PDE10A: variants seen among roughly 807,000 people sequenced by gnomAD.
PDE10A encodes cAMP and cAMP-inhibited cGMP 3',5'-cyclic phosphodiesterase 10A.
Under a neutral mutation model 97.7 loss-of-function variants are expected in PDE10A, and 39 were observed. The ratio of observed to expected loss-of-function variants is 0.40; its 90% CI spans 0.31 to 0.52. PDE10A has a LOEUF of 0.52. PDE10A is among the 20% of genes least tolerant of loss of function. The pLI is 0.56. For synonymous variants in PDE10A, 371 were observed against 376.8 expected, an observed-to-expected ratio of 0.98 and a Z score of 0.18; for missense variants, 731 against 1,047.8, an observed-to-expected ratio of 0.70 and a Z score of 4.17.
At chr6:165,607,149 A>G (rs1159368506) in intron 1 of PDE10A, among the ~76,000 whole-genome samples, 2 of 152,236 alleles carry the variant, frequency 1.3e-5, no homozygotes. Flanking sequence ...CACTGACTGC[A>G]GGACCTGATG....
intron 2 of PDE10A, among the ~76,000 whole-genome samples, chr6:165,506,476 G>A (rs982530489): frequency 9.9e-5 from 15 of 152,028 alleles, no homozygotes; most frequent in African/African-American, 3.6e-4. Flanking sequence ...TTTACATCAC[G>A]TATAATAGAA....
intron 1 of PDE10A, among the ~76,000 whole-genome samples, chr6:165,618,240 A>AT (rs886732866): frequency 2.0e-5 from 3 of 152,014 alleles, no homozygotes; most frequent in Non-Finnish European, 2.9e-5. Flanking sequence ...TAGTAATGGG[A>AT]TTTTTTTTCT....
chr6:165,386,197 T>C (rs370032146), intron 17 of PDE10A, among the ~76,000 whole-genome samples: 9 of 152,160 alleles, frequency 5.9e-5, no homozygotes, highest in South Asian at 2.1e-4. Context: ...TAAACCTCCA[T>C]TTTTGATGGC....
Position 165,328,475 on chromosome 6 carries a change from G to C in PDE10A, c.*4550C>G, listed in dbSNP as rs74514827. 1.2e-4 allele frequency: 19 copies of C among 152,346 alleles called. No homozygotes were observed. The East Asian group carries it at 3.5e-3, about 28-fold the overall frequency. The allele number at this position is 152,346 out of a possible 1,614,324, so 9.4% of individuals were successfully genotyped here. ...TACTTAGTAAGCCCTGGATTCAGCT[G>C]TAAGTTTCCACCTTGGTCCTGAGGT... On this transcript the variant is annotated 3_prime_UTR_variant, in exon 22 of 22. Transcript: ENST00000539869.
At chr6:165,763,505 T>C (rs1372188307) in intron 1 of PDE10A, among the ~76,000 whole-genome samples, 1 of 152,148 alleles carries the variant, frequency 6.6e-6, no homozygotes, top group East Asian at 1.9e-4. Flanking sequence ...GTATTTTTAG[T>C]GGAGACACAG....
intron 1 of PDE10A, among the ~76,000 whole-genome samples, chr6:165,634,101 C>T (rs371908942): frequency 2.0e-5 from 3 of 152,120 alleles, no homozygotes; most frequent in Non-Finnish European, 4.4e-5. Context: ...CCCTCCCTCA[C>T]GGCTTCTGTT....
intron 2 of PDE10A, among the ~76,000 whole-genome samples, chr6:165,487,251 CA>C (rs1779975735): frequency 6.6e-6 from 1 of 152,182 alleles, no homozygotes; most frequent in Non-Finnish European, 1.5e-5. Flanking sequence ...CCGTGTCCAA[CA>C]ACCTGTCTTT....
At chr6:165,704,792 C>T (rs184749504) in intron 1 of PDE10A, among the ~76,000 whole-genome samples, 2 of 152,310 alleles carry the variant, frequency 1.3e-5, no homozygotes, top group East Asian at 1.9e-4. Flanking sequence ...AAACCATCTT[C>T]CCTGTTTCAG....
intron 1 of PDE10A, among the ~76,000 whole-genome samples, chr6:165,801,809 G>A (rs1206632880): frequency 1.3e-5 from 2 of 152,184 alleles, no homozygotes; most frequent in Non-Finnish European, 2.9e-5. Context: ...TATCAGGATT[G>A]AGAGAGTGGT....
intron 1 of PDE10A, chr6:165,948,570 T>C (rs1783853681): frequency 6.6e-6 from 1 of 152,322 alleles, no homozygotes; most frequent in Non-Finnish European, 1.5e-5. Context: ...CAGAATGCTC[T>C]CCCGTGTTTC....
At chr6:165,797,564 C>T (rs1451865630) in intron 1 of PDE10A, among the ~76,000 whole-genome samples, 1 of 152,006 alleles carries the variant, frequency 6.6e-6, no homozygotes, top group African/African-American at 2.4e-5. Context: ...GAGGTTTATC[C>T]CCTCTTAGTA....
At chr6:165,948,065 A>G (rs1352910322) in intron 1 of PDE10A, among the ~76,000 whole-genome samples, 4 of 151,610 alleles carry the variant, frequency 2.6e-5, no homozygotes, top group Non-Finnish European at 5.9e-5. Flanking sequence ...AATCATATAC[A>G]TATACATATA....
At chr6:165,667,244 A>G (rs545446023), upstream of PDE10A, among the ~76,000 whole-genome samples, 3 of 152,290 alleles carry the variant, frequency 2.0e-5, no homozygotes, top group Admixed American at 1.3e-4. Context: ...GGAAACAGGT[A>G]GGGGTTGCAT....
chr6:165,962,984 G>A (rs577576006), intron 1 of PDE10A, among the ~76,000 whole-genome samples: 6 of 152,304 alleles, frequency 3.9e-5, no homozygotes, highest in South Asian at 2.1e-4. Flanking sequence ...ACACCCACAC[G>A]CGTGGTTGTA....
Position 165,405,749 on chromosome 6 carries a change from T to C in PDE10A, c.2076+7752A>G, listed in dbSNP as rs113294667. On this transcript the variant is annotated intron_variant, in intron 13 of 21. Coordinates refer to ENST00000539869, the MANE Select transcript of PDE10A (RefSeq NM_001385079.1). ...GTTTTGAATCCTACTACACACACAT[T>C]GAGAACTCAAAAAGTAGGGAAAGAA... Among the ~76,000 whole-genome samples the C allele has an allele frequency of 5.8e-3, 882 of 152,256 alleles. 11 individuals carry two copies. The highest frequency in any genetic ancestry group is 0.02 in the African/African-American group (841 of 41,528).
chr6:165,473,969 ACT>A (rs1195746646), intron 3 of PDE10A, among the ~76,000 whole-genome samples: 2 of 152,212 alleles, frequency 1.3e-5, no homozygotes, highest in African/African-American at 2.4e-5. Flanking sequence ...TCATACAGAA[ACT>A]CTGAAAATTC....
chr6:165,588,790 T>C (rs1206383444), intron 1 of PDE10A, among the ~76,000 whole-genome samples: 2 of 152,226 alleles, frequency 1.3e-5, no homozygotes, highest in African/African-American at 4.8e-5. Flanking sequence ...CTTGAATCTC[T>C]AATCCACCAC....
chr6:165,914,254 G>C (rs1047159594), intron 1 of PDE10A, among the ~76,000 whole-genome samples: 1 of 152,198 alleles, frequency 6.6e-6, no homozygotes, highest in Non-Finnish European at 1.5e-5. Flanking sequence ...TGTCACTAAT[G>C]AGTTGAACTA....
chr6:165,412,760 T>C (rs981665573), intron 13 of PDE10A, among the ~76,000 whole-genome samples: 1 of 152,128 alleles, frequency 6.6e-6, no homozygotes, highest in Non-Finnish European at 1.5e-5. Context: ...AAGCAGTTTC[T>C]CTAATTGATT....
Sources: allele counts gnomAD v4.1 joint callset (sites outside exome capture counted in the v4.1 genomes callset), GRCh38; gene constraint gnomAD v4.1.1; transcripts MANE v1.5; gene names NCBI Gene and HGNC (gene_info 2026-07-23, HGNC 2026-07-21).